Variants in EPB41L4A observed in about 807,000 individuals in gnomAD.
EPB41L4A encodes the protein band 4.1-like protein 4A.
EPB41L4A carries 100 observed loss-of-function variants against 108.6 expected under a neutral mutation model. The ratio of observed to expected loss-of-function variants is 0.92; its 90% CI spans 0.78 to 1.09. EPB41L4A has a LOEUF of 1.09. Ranked by LOEUF, EPB41L4A falls within the 50% of genes least tolerant of loss-of-function variation. The pLI, the probability that EPB41L4A is intolerant of heterozygous loss-of-function variation, is 0.00. For synonymous variants in EPB41L4A, 319 were observed against 289.0 expected, an observed-to-expected ratio of 1.10 and a Z score of -1.05; for missense variants, 1,030 against 842.7, an observed-to-expected ratio of 1.22 and a Z score of -2.75.
At chr5:112,350,555 T>C (rs778869105) in intron 1 of EPB41L4A, among the ~76,000 whole-genome samples, 2 of 152,222 alleles carry the variant, frequency 1.3e-5, no homozygotes, top group Admixed American at 6.5e-5. Flanking sequence ...TACTATGCTA[T>C]TGAACATTAG....
At chr5:112,328,370 T>G (rs1756325618) in intron 1 of EPB41L4A, among the ~76,000 whole-genome samples, 1 of 90,608 alleles carries the variant, frequency 1.1e-5, no homozygotes, top group Non-Finnish European at 2.0e-5. Context: ...CTAGTTGCAC[T>G]TGGCTTTCCC....
intron 17 of EPB41L4A, among the ~76,000 whole-genome samples, chr5:112,185,718 C>T (rs1224082327): frequency 1.3e-5 from 2 of 152,132 alleles, no homozygotes; most frequent in Non-Finnish European, 2.9e-5. Flanking sequence ...ACATATACTG[C>T]TATGGACCTT....
At chr5:112,255,415 G>A (rs1751010619) in intron 9 of EPB41L4A, among the ~76,000 whole-genome samples, 1 of 151,886 alleles carries the variant, frequency 6.6e-6, no homozygotes, top group Non-Finnish European at 1.5e-5. Flanking sequence ...ACCTCTCTAG[G>A]GTACACATAC....
rs78239528 is a variant in EPB41L4A, at chr5:112,219,424, G to A, written c.1088-9442C>T. On this transcript the variant is annotated intron_variant, in intron 12 of 22. Transcript: ENST00000261486. ...GAGGCCTCCCCAGCCAAGTGGAACT[G>A]TGAGTCTTTTAAACCTCTTTTCTTT... Among the ~76,000 whole-genome samples the A allele has an allele frequency of 9.2e-5, 14 of 152,284 alleles. No individual in the cohort carries two copies. The East Asian group carries it at 2.7e-3, about 29-fold the overall frequency.
intron 12 of EPB41L4A, among the ~76,000 whole-genome samples, chr5:112,214,456 A>T (rs1244821554): frequency 1.3e-5 from 2 of 152,158 alleles, no homozygotes; most frequent in African/African-American, 4.8e-5. Flanking sequence ...ACCACCACCC[A>T]CTTCAAGAAT....
intron 2 of EPB41L4A, among the ~76,000 whole-genome samples, chr5:112,299,444 C>A (rs1331630040): frequency 2.6e-5 from 4 of 152,084 alleles, no homozygotes; most frequent in Non-Finnish European, 5.9e-5. Context: ...TGTTTTGTGG[C>A]CTATCATATG....
chr5:112,239,822 T>C, intron 10 of EPB41L4A, 85 bp from the exon 11 acceptor site: 3 of 763,840 alleles, frequency 3.9e-6, no homozygotes, highest in South Asian at 3.7e-5. Flanking sequence ...ACAAACTTTA[T>C]AAAGGACTCC....
intron 1 of EPB41L4A, among the ~76,000 whole-genome samples, chr5:112,381,152 T>A (rs1371951429): frequency 6.6e-6 from 1 of 152,206 alleles, no homozygotes; most frequent in Non-Finnish European, 1.5e-5. Flanking sequence ...TAATACTGCT[T>A]CACAACAGAG....
At chr5:112,337,592 C>G (rs1053094983) in intron 1 of EPB41L4A, among the ~76,000 whole-genome samples, 4 of 152,112 alleles carry the variant, frequency 2.6e-5, no homozygotes, top group Non-Finnish European at 2.9e-5. Flanking sequence ...TAAGGTCACA[C>G]AGTAAGTGGG....
intron 1 of EPB41L4A, among the ~76,000 whole-genome samples, chr5:112,312,044 C>T (rs898445022): frequency 4.6e-5 from 7 of 152,140 alleles, no homozygotes; most frequent in African/African-American, 1.7e-4. Flanking sequence ...ATATGTAAAT[C>T]AAATCTGTCT....
intron 18 of EPB41L4A, among the ~76,000 whole-genome samples, chr5:112,180,588 G>A (rs7711158): frequency 0.67 from 101,153 of 149,966 alleles, 34,883 homozygotes; most frequent in East Asian, 0.99. Flanking sequence ...AAGCAAAATC[G>A]ATAAAGCTGC....
rs1479343672 is a variant in EPB41L4A, at chr5:112,163,399, A to C, written c.*1591T>G. On this transcript the variant is annotated 3_prime_UTR_variant, in exon 23 of 23. Coordinates refer to ENST00000261486, the MANE Select transcript of EPB41L4A (RefSeq NM_022140.5). ...CTCAGTAGTCTAAACTACAGAAATA[A>C]ACCTTAAGGCCATGGGTATAAATGA... The C allele has an allele frequency of 6.6e-6, 1 of 152,230 alleles. No homozygotes were observed. The highest frequency in any genetic ancestry group is 6.5e-5 in the Admixed American group (1 of 15,286). The allele number at this position is 152,230 out of a possible 1,614,324, so 9.4% of individuals were successfully genotyped here. A position where few individuals can be genotyped will look rare whatever the true frequency, so the allele number is the denominator to read the frequency against.
At chr5:112,244,540 T>C (rs6873663) in intron 9 of EPB41L4A, among the ~76,000 whole-genome samples, 2,337 of 152,260 alleles carry the variant, frequency 0.015, 58 homozygotes, top group African/African-American at 0.053. Context: ...CAGCAGATTT[T>C]ATAGGCAGGC....
At chr5:112,304,675 C>T (rs1272420135) in intron 2 of EPB41L4A, among the ~76,000 whole-genome samples, 3 of 151,944 alleles carry the variant, frequency 2.0e-5, no homozygotes, top group African/African-American at 4.8e-5. Context: ...TCCTTCATTC[C>T]GCTGATATCA....
At chr5:112,391,075 T>C (rs1760901842) in intron 1 of EPB41L4A, among the ~76,000 whole-genome samples, 1 of 152,058 alleles carries the variant, frequency 6.6e-6, no homozygotes, top group Admixed American at 6.5e-5. Flanking sequence ...TAGGTCACCA[T>C]CATCAAAGAC....
At chr5:112,318,084 C>T (rs961168954) in intron 1 of EPB41L4A, among the ~76,000 whole-genome samples, 6 of 152,088 alleles carry the variant, frequency 3.9e-5, no homozygotes, top group African/African-American at 1.2e-4. Context: ...AAACTCAGAG[C>T]CGAGAGATGA....
At chr5:112,149,225 C>T (rs1025563383) in intron 12 of EPB41L4A, among the ~76,000 whole-genome samples, 1 of 152,210 alleles carries the variant, frequency 6.6e-6, no homozygotes, top group Admixed American at 6.5e-5. Flanking sequence ...GCCTGTAATC[C>T]CAGCACTTTG....
At chr5:112,195,611 TCTG>T in intron 16 of EPB41L4A, 47 bp downstream of exon 16, 1 of 1,481,088 alleles carries the variant, frequency 6.8e-7, no homozygotes, top group East Asian at 2.3e-5. Context: ...CATTTCTAAA[TCTG>T]CTAACCCTTC....
At chr5:112,251,311 A>C (rs971311629) in intron 9 of EPB41L4A, among the ~76,000 whole-genome samples, 17 of 152,138 alleles carry the variant, frequency 1.1e-4, no homozygotes, top group African/African-American at 3.6e-4. Flanking sequence ...CCCTCCAAAA[A>C]CACATACACA....
Sources: gnomAD v4.1 joint callset for allele counts (sites outside exome capture counted in the v4.1 genomes callset) on GRCh38, gnomAD v4.1.1 for gene constraint, MANE v1.5 for transcripts, NCBI Gene and HGNC (gene_info 2026-07-23, HGNC 2026-07-21) for gene names.